The following ST6GALNAC3 variants were observed in gnomAD, a reference collection of about 807,000 sequenced individuals.
ST6GALNAC3 encodes the protein ST6 N-acetylgalactosaminide alpha-2,6-sialyltransferase 3, also known as alpha-N-acetylgalactosaminide alpha-2,6-sialyltransferase 3.
A neutral mutation model predicts 32.7 loss-of-function variants in ST6GALNAC3; 25 were observed. The observed-to-expected ratio is 0.76, with a 90% CI of 0.56 to 1.07. ST6GALNAC3 has a LOEUF of 1.07. ST6GALNAC3 is among the 50% of genes least tolerant of loss of function. The pLI is 0.00. For synonymous variants in ST6GALNAC3, 129 were observed against 133.1 expected (o/e 0.97, Z 0.21); for missense variants, 355 against 382.4 (o/e 0.93, Z 0.60).
chr1:76,254,826 A>G (rs775622231), intron 1 of ST6GALNAC3, among the ~76,000 whole-genome samples: 1 of 152,060 alleles, frequency 6.6e-6, no homozygotes, highest in Non-Finnish European at 1.5e-5. Flanking sequence ...CTGTGAAGCA[A>G]CAAGGGCCTC....
chr1:76,379,979 C>T (rs1449233767), intron 2 of ST6GALNAC3, among the ~76,000 whole-genome samples: 1 of 152,102 alleles, frequency 6.6e-6, no homozygotes, highest in Non-Finnish European at 1.5e-5. Context: ...TCCGACAATG[C>T]ACTCCTTTGT....
chr1:76,603,988 C>G (rs1647367217), intron 3 of ST6GALNAC3, among the ~76,000 whole-genome samples: 1 of 152,110 alleles, frequency 6.6e-6, no homozygotes, highest in South Asian at 2.1e-4. Flanking sequence ...TGGTGTTGGT[C>G]TAAAACATAA....
chr1:76,366,177 G>A (rs1360412550), intron 2 of ST6GALNAC3, among the ~76,000 whole-genome samples: 1 of 152,040 alleles, frequency 6.6e-6, no homozygotes, highest in Admixed American at 6.6e-5. Flanking sequence ...CTGTGCATGA[G>A]ATATTCCATT....
chr1:76,389,875 C>T (rs1652398097), intron 2 of ST6GALNAC3, among the ~76,000 whole-genome samples: 1 of 152,152 alleles, frequency 6.6e-6, no homozygotes, highest in African/African-American at 2.4e-5. Context: ...TATTTGTTTT[C>T]TGCATGATTT....
At chr1:76,598,247 A>G (rs989530204) in intron 3 of ST6GALNAC3, among the ~76,000 whole-genome samples, 4 of 152,100 alleles carry the variant, frequency 2.6e-5, no homozygotes, top group African/African-American at 9.7e-5. Flanking sequence ...TCACGACAAC[A>G]TATGAATTTG....
chr1:76,486,123 T>C (rs892488169), intron 3 of ST6GALNAC3, among the ~76,000 whole-genome samples: 1 of 152,226 alleles, frequency 6.6e-6, no homozygotes, highest in South Asian at 2.1e-4. Context: ...TTACATTTGC[T>C]AAGGAGTGCT....
intron 1 of ST6GALNAC3, among the ~76,000 whole-genome samples, chr1:76,184,908 C>A (rs1357365562): frequency 6.6e-6 from 1 of 152,102 alleles, no homozygotes; most frequent in Admixed American, 6.6e-5. Flanking sequence ...TCGAGTATGG[C>A]CATGTGTGCT....
At chr1:76,385,881 C>T (rs1652057984) in intron 2 of ST6GALNAC3, among the ~76,000 whole-genome samples, 1 of 152,036 alleles carries the variant, frequency 6.6e-6, no homozygotes, top group Admixed American at 6.6e-5. Context: ...AATTTGCTTT[C>T]TCAGTTCTGG....
At chr1:76,511,262 T>A (rs1019996074) in intron 3 of ST6GALNAC3, among the ~76,000 whole-genome samples, 1 of 152,198 alleles carries the variant, frequency 6.6e-6, no homozygotes, top group African/African-American at 2.4e-5. Flanking sequence ...TAACTCTCAT[T>A]TGAAGCCCTC....
At chr1:76,460,464 A>C (rs964474261) in intron 3 of ST6GALNAC3, among the ~76,000 whole-genome samples, 1 of 152,208 alleles carries the variant, frequency 6.6e-6, no homozygotes, top group Non-Finnish European at 1.5e-5. Flanking sequence ...ATTCACTAAG[A>C]GGGTCCCTTA....
At position 76,217,574 on chromosome 1, in the gene ST6GALNAC3, ATCT is replaced by A. The variant is rs1655537530; in HGVS notation, c.19-96226_19-96224del. ...ACCAGTGGTGTTTGGTTACATGAAT[ATCT>A]TCTTTAGTAGTGATTTCTGAGATTT... On this transcript the variant is annotated intron_variant, in intron 1 of 4. Coordinates refer to ENST00000328299, the MANE Select transcript of ST6GALNAC3 (RefSeq NM_152996.4). Among the ~76,000 whole-genome samples, 3 of 152,124 alleles carry A rather than the reference ATCT, an allele frequency of 2.0e-5. No individual in the cohort carries two copies. In the South Asian group the frequency reaches 6.2e-4, roughly 32 times the overall value.
chr1:76,184,116 A>T (rs1255890989), intron 1 of ST6GALNAC3, among the ~76,000 whole-genome samples: 1 of 151,994 alleles, frequency 6.6e-6, no homozygotes, highest in Non-Finnish European at 1.5e-5. Flanking sequence ...TTCATTTCTA[A>T]TCATTAACTG....
chr1:76,365,789 C>A (rs1217760264), intron 2 of ST6GALNAC3, among the ~76,000 whole-genome samples: 2 of 152,168 alleles, frequency 1.3e-5, no homozygotes, highest in Non-Finnish European at 2.9e-5. Flanking sequence ...GTCATTTACC[C>A]TGTCTCTAAT....
At chr1:76,324,973 TGCACAA>T (rs1177234417) in intron 2 of ST6GALNAC3, among the ~76,000 whole-genome samples, 1 of 152,204 alleles carries the variant, frequency 6.6e-6, no homozygotes, top group African/African-American at 2.4e-5. Context: ...AGGGTACATG[TGCACAA>T]CGTGCAGGTT....
chr1:76,087,700 A>G (rs1238355148), intron 1 of ST6GALNAC3, among the ~76,000 whole-genome samples: 1 of 152,222 alleles, frequency 6.6e-6, no homozygotes, highest in Admixed American at 6.5e-5. Flanking sequence ...AGGTCATACT[A>G]CTAGTAGAAG....
At chr1:76,116,111 C>T (rs1280420921) in intron 1 of ST6GALNAC3, among the ~76,000 whole-genome samples, 2 of 151,930 alleles carry the variant, frequency 1.3e-5, no homozygotes, top group Non-Finnish European at 2.9e-5. Flanking sequence ...CTGAGGGAGT[C>T]TAAGTGGAAG....
chr1:76,233,265 T>C (rs897992251), intron 1 of ST6GALNAC3, among the ~76,000 whole-genome samples: 1 of 152,212 alleles, frequency 6.6e-6, no homozygotes, highest in Non-Finnish European at 1.5e-5. Flanking sequence ...AAGAGAGTTA[T>C]AATGAAGACC....
intron 1 of ST6GALNAC3, among the ~76,000 whole-genome samples, chr1:76,131,021 C>T (rs1441087639): frequency 6.6e-6 from 1 of 152,218 alleles, no homozygotes; most frequent in Admixed American, 6.5e-5. Context: ...GCCACCTTGA[C>T]AAGGGGGCCA....
At chr1:76,123,414 G>A in intron 1 of ST6GALNAC3, among the ~76,000 whole-genome samples, 1 of 150,518 alleles carries the variant, frequency 6.6e-6, no homozygotes, top group Non-Finnish European at 1.5e-5. Flanking sequence ...TATAGGGAAA[G>A]TGACAAACAC....
Sources: allele counts gnomAD v4.1 joint callset (sites outside exome capture counted in the v4.1 genomes callset), GRCh38; gene constraint gnomAD v4.1.1; transcripts MANE v1.5; gene names NCBI Gene and HGNC (gene_info 2026-07-23, HGNC 2026-07-21).